The following DPT variants were observed in gnomAD, a reference collection of about 807,000 sequenced individuals.
The protein encoded by DPT is dermatopontin, also known as tyrosine-rich acidic matrix protein.
DPT carries 21 observed loss-of-function variants against 31.2 expected under a neutral mutation model. That is an observed-to-expected ratio of 0.67 (90% CI 0.48 to 0.97). DPT has a LOEUF of 0.97. Among genes scored for constraint, DPT ranks in the 50% least tolerant of loss-of-function variants. The probability of loss-of-function intolerance (pLI) is 0.00; values close to 1 mark genes in which losing one functional copy is unlikely to be tolerated. For synonymous variants in DPT, 91 were observed against 86.9 expected (o/e 1.05, Z -0.26); for missense variants, 262 against 258.8 (o/e 1.01, Z -0.08).
chr1:168,702,099 C>T (rs1448925477), intron 2 of DPT, among the ~76,000 whole-genome samples: 1 of 152,166 alleles, frequency 6.6e-6, no homozygotes, highest in Non-Finnish European at 1.5e-5. Context: ...ACCTTCAGGA[C>T]CAAAACAGTC....
At chr1:168,724,006 T>C (rs549145225) in intron 1 of DPT, among the ~76,000 whole-genome samples, 2 of 152,108 alleles carry the variant, frequency 1.3e-5, no homozygotes, top group Non-Finnish European at 2.9e-5. Flanking sequence ...CCAAACTGAT[T>C]TCATCAGTTC....
chr1:168,704,167 A>G (rs1649664284), intron 2 of DPT, among the ~76,000 whole-genome samples: 1 of 152,132 alleles, frequency 6.6e-6, no homozygotes, highest in Non-Finnish European at 1.5e-5. Flanking sequence ...CTTCCTTGTG[A>G]ATTCCTTGTG....
intron 3 of DPT, among the ~76,000 whole-genome samples, chr1:168,697,571 C>A (rs1649492056): frequency 6.6e-6 from 1 of 152,166 alleles, no homozygotes; most frequent in African/African-American, 2.4e-5. Flanking sequence ...AAGGAATGTT[C>A]TTTGCTCAGG....
In DPT at chr1:168,729,044, T is replaced by C. The variant is rs1480070574; in HGVS notation, c.131A>G (p.Gln44Arg). The C allele has an allele frequency of 6.2e-7, 1 of 1,614,176 alleles. No homozygotes were observed. The highest frequency in any genetic ancestry group is 8.5e-7 in the Non-Finnish European group (1 of 1,180,018). The change falls in exon 1 of 4, where the codon CAA (glutamine) becomes CGA (arginine). Residue 44 changes from glutamine (Q) to arginine (R), a missense_variant. Coordinates refer to ENST00000367817, the MANE Select transcript of DPT (RefSeq NM_001937.5). ...SDDGWVNLNR[Q>R]GFSYQCPQGQ... ...CTGGGGACACTGGTAGCTGAAGCCTTGCCGGTTCAAATTCACCCACCCATC... is the reference window on the plus strand; with the variant it reads ...CTGGGGACACTGGTAGCTGAAGCCTCGCCGGTTCAAATTCACCCACCCATC...
intron 1 of DPT, among the ~76,000 whole-genome samples, chr1:168,725,316 C>T (rs527521448): frequency 6.8e-6 from 1 of 147,698 alleles, no homozygotes; most frequent in African/African-American, 2.5e-5. Context: ...TTCCTCCCTC[C>T]CTCCCTTCCT....
chr1:168,728,427 T>A (rs911025316), intron 1 of DPT, among the ~76,000 whole-genome samples: 3 of 152,248 alleles, frequency 2.0e-5, no homozygotes, highest in African/African-American at 7.2e-5. Context: ...CCCAAACTAC[T>A]GTGGGCCAGT....
At chr1:168,727,622 C>G (rs1007881491) in intron 1 of DPT, among the ~76,000 whole-genome samples, 2 of 151,106 alleles carry the variant, frequency 1.3e-5, no homozygotes, top group African/African-American at 4.9e-5. Context: ...ACTGCAGCCT[C>G]GACTCCCTGG....
intron 1 of DPT, among the ~76,000 whole-genome samples, chr1:168,726,093 T>C (rs1392218782): frequency 1.3e-5 from 2 of 152,138 alleles, no homozygotes; most frequent in Admixed American, 1.3e-4. Context: ...GTAAAGAAGT[T>C]GTTTTGCATG....
chr1:168,700,085 T>C lies in DPT; in HGVS notation c.539+932A>G, dbSNP rs974921070. Among the ~76,000 whole-genome samples, 13 of 152,316 alleles carry C rather than the reference T, an allele frequency of 8.5e-5. 1 individual carries two copies. Among genetic ancestry groups the C allele is most frequent in the Admixed American group, 5.2e-4 (8 of 15,302 alleles). ...TAAATATGGTTGGTAGATGCTATGG[T>C]CTGAATGTTGGTGTCCCCTTAAAAT... is the stretch of plus-strand genomic sequence containing the variant. On this transcript the variant is annotated intron_variant, in intron 3 of 3. Coordinates refer to ENST00000367817, the MANE Select transcript of DPT (RefSeq NM_001937.5).
In DPT at chr1:168,708,737, A is replaced by C. The variant is rs1221293555; in HGVS notation, c.431+5484T>G. ...ACCAGGCCTCTGGGAGCTGAATTGC[A>C]GGAGGCTGTCTGGGCACAGGTGGCA... On this transcript the variant is annotated intron_variant, in intron 2 of 3. Transcript: ENST00000367817. Among the ~76,000 whole-genome samples the C allele has an allele frequency of 3.9e-5, 6 of 152,294 alleles. No homozygotes were observed. The South Asian group carries it at 1.2e-3, about 32-fold the overall frequency.
intron 2 of DPT, among the ~76,000 whole-genome samples, chr1:168,705,022 A>C (rs1649688172): frequency 6.6e-6 from 1 of 152,204 alleles, no homozygotes; most frequent in South Asian, 2.1e-4. Flanking sequence ...ATACGCTCTC[A>C]CATCCATTTT....
At chr1:168,727,073 T>C (rs1312568740) in intron 1 of DPT, among the ~76,000 whole-genome samples, 2 of 152,114 alleles carry the variant, frequency 1.3e-5, no homozygotes, top group Non-Finnish European at 1.5e-5. Context: ...GTCTTGCAGG[T>C]CCCCACCCTC....
chr1:168,702,198 A>T (rs1649613809), intron 2 of DPT, among the ~76,000 whole-genome samples: 1 of 152,214 alleles, frequency 6.6e-6, no homozygotes, highest in South Asian at 2.1e-4. Flanking sequence ...CAATAATTTC[A>T]TCTGATTTGG....
At chr1:168,721,838 G>T (rs1650122821) in intron 1 of DPT, among the ~76,000 whole-genome samples, 1 of 152,160 alleles carries the variant, frequency 6.6e-6, no homozygotes, top group African/African-American at 2.4e-5. Context: ...ATAGTGTTAA[G>T]TTGCACACAT....
rs1044462898 is a variant in DPT at position 168,696,767 on chromosome 1, C to T, written c.540-152G>A. The T allele has an allele frequency of 2.3e-4, 162 of 701,882 alleles. 1 individual carries two copies. In the East Asian group the frequency reaches 4.1e-3, roughly 18 times the overall value. The allele number at this position is 701,882 out of a possible 1,614,324, so 43.5% of individuals were successfully genotyped here. A position where few individuals can be genotyped will look rare whatever the true frequency, so the allele number is the denominator to read the frequency against. On this transcript the variant is annotated intron_variant, in intron 3 of 3. Coordinates refer to ENST00000367817, the MANE Select transcript of DPT (RefSeq NM_001937.5). ...TTTGCTCTTAGAAGACATCTTTATGCAGTTTCCCAAGAACCGACAAATCTG... is the reference window on the plus strand; with the variant it reads ...TTTGCTCTTAGAAGACATCTTTATGTAGTTTCCCAAGAACCGACAAATCTG...
chr1:168,701,311 C>A (rs1267624019), intron 2 of DPT, among the ~76,000 whole-genome samples, 187 bp from the exon 3 acceptor site: 1 of 152,172 alleles, frequency 6.6e-6, no homozygotes, highest in Non-Finnish European at 1.5e-5. Context: ...CACTTCTCAT[C>A]TTCCTTTTCT....
intron 1 of DPT, among the ~76,000 whole-genome samples, chr1:168,719,345 G>A (rs894756331): frequency 6.6e-6 from 1 of 152,104 alleles, no homozygotes; most frequent in Non-Finnish European, 1.5e-5. Flanking sequence ...TATTTAACAA[G>A]ACTCACCTAA....
At chr1:168,709,061 G>C (rs1649789610) in intron 2 of DPT, among the ~76,000 whole-genome samples, 1 of 152,166 alleles carries the variant, frequency 6.6e-6, no homozygotes, top group Admixed American at 6.5e-5. Context: ...CAGAATATCA[G>C]GGTTGAAGAG....
At chr1:168,700,076 A>G (rs1439535011) in intron 3 of DPT, among the ~76,000 whole-genome samples, 3 of 152,132 alleles carry the variant, frequency 2.0e-5, no homozygotes, top group African/African-American at 4.8e-5. Flanking sequence ...TGGTTGGTAG[A>G]TGCTATGGTC....
Sources: allele counts gnomAD v4.1 joint callset (sites outside exome capture counted in the v4.1 genomes callset), GRCh38; gene constraint gnomAD v4.1.1; transcripts MANE v1.5; gene names NCBI Gene and HGNC (gene_info 2026-07-23, HGNC 2026-07-21).